The following SHANK1 variants were observed in gnomAD, a reference collection of about 807,000 sequenced individuals.
The protein encoded by SHANK1 is SH3 and multiple ankyrin repeat domains 1.
In SHANK1, 35 loss-of-function variants were observed where a neutral mutation model predicts 165.6. The ratio of observed to expected loss-of-function variants is 0.21; its 90% confidence interval spans 0.16 to 0.28. SHANK1 has a LOEUF of 0.28. Among genes scored for constraint, SHANK1 ranks in the 10% least tolerant of loss-of-function variants. The pLI, the probability that SHANK1 is intolerant of heterozygous loss-of-function variation, is 1.00. For synonymous variants in SHANK1, 1,428 were observed against 1,384.8 expected, an observed-to-expected ratio of 1.03 and a Z score of -0.69; for missense variants, 2,681 against 3,036.4, an observed-to-expected ratio of 0.88 and a Z score of 2.75.
At chr19:50,675,056 G>A (rs567321318) in intron 21 of SHANK1, among the ~76,000 whole-genome samples, 3 of 108,876 alleles carry the variant, frequency 2.8e-5, no homozygotes, top group Admixed American at 2.1e-4. Flanking sequence ...AGCAACACTC[G>A]GTCTCAAAAA....
chr19:50,713,707 A>G lies in SHANK1; in HGVS notation c.792+91T>C. The G allele has an allele frequency of 2.6e-6, 4 of 1,528,184 alleles. No individual in the cohort carries two copies. The South Asian group carries it at 4.7e-5, about 18-fold the overall frequency. The allele number at this position is 1,528,184 out of a possible 1,614,324, so 94.7% of individuals were successfully genotyped here. A position where few individuals can be genotyped will look rare whatever the true frequency, so the allele number is the denominator to read the frequency against. ...TGGGGACATGAGAGGGCCTATTTTT[A>G]ACTGAAACCAAAGAACTGAGGTTTG... On this transcript the variant is annotated intron_variant, in intron 6 of 23. Coordinates refer to ENST00000293441, the MANE Select transcript of SHANK1 (RefSeq NM_016148.5). The surrounding 1 kb of genome is among the most constrained non-coding windows in gnomAD (Gnocchi z 6.2).
In SHANK1 at chr19:50,716,856, C is replaced by A. The variant is rs746931414; in HGVS notation, c.64G>T (p.Gly22Trp). ...GGGGAGCTGTCGGACTCTGAGCCCC[C>A]CTCGGGACACTCGCTGGCACTGTGG... ...ERHSASECPE[G>W]GSESDSSPDG... is the part of the protein sequence containing the mutation. The change falls in exon 2 of 24, where the codon GGG becomes TGG. Residue 22 changes from glycine to tryptophan, a missense_variant. This residue lies in a region of SHANK1 where 118 missense variants were observed against 106.9 expected (regional missense o/e 1.10). Coordinates refer to ENST00000293441, the MANE Select transcript of SHANK1 (RefSeq NM_016148.5). This position sits in a 1 kb window ranked among gnomAD's most constrained non-coding sequence, Gnocchi z 8.4. 4.6e-6 allele frequency: 7 copies of A among 1,528,752 alleles called. No homozygotes were observed. Among genetic ancestry groups the A allele is most frequent in the South Asian group, 2.5e-5 (2 of 79,440 alleles). 94.7% of individuals were successfully genotyped at this position (1,528,752 alleles called of 1,614,324 possible).
At position 50,662,013 on chromosome 19, in the gene SHANK1, G is replaced by A. The variant is rs377409628; in HGVS notation, c.6438C>T (p.Gly2146=). Residue 2146 remains glycine (G), a synonymous_variant, in exon 24 of 24, where the codon GGC becomes GGT. Transcript: ENST00000293441. This position sits in a 1 kb window ranked among gnomAD's most constrained non-coding sequence, Gnocchi z 7.7. The part of the protein sequence containing the change: ...DYVDLGVTRV[G]HRMNIDRALK... ...GAGCCCGGTCGATGTTCATGCGGTG[G>A]CCCACCCTGGTCACACCTAGATCGA... 28 of 1,614,140 alleles carry A rather than the reference G, an allele frequency of 1.7e-5. No homozygotes were observed. Among genetic ancestry groups the A allele is most frequent in the South Asian group, 3.3e-5 (3 of 91,076 alleles).
chr19:50,662,509 C>T lies in SHANK1; in HGVS notation c.5942G>A (p.Arg1981His), dbSNP rs200050673. ...PSASSSSTST[R>H]HLQGVEFEMR... ...CTCGAACTCCACGCCCTGGAGGTGG[C>T]GGGTGGACGTGGAGGAGGAGGAGGC... The change falls in exon 24 of 24, where the codon CGC becomes CAC. Residue 1981 changes from arginine (R) to histidine (H), a missense_variant. By Grantham distance (29) the Arg-to-His change is conservative (BLOSUM62 0). This residue lies in a region of SHANK1 where 1,713 missense variants were observed against 1,630.2 expected (regional missense o/e 1.05). Coordinates refer to ENST00000293441, the MANE Select transcript of SHANK1 (RefSeq NM_016148.5). The surrounding 1 kb of genome is among the most constrained non-coding windows in gnomAD (Gnocchi z 7.7). The T allele has an allele frequency of 4.5e-5, 70 of 1,557,996 alleles. 1 individual carries two copies. Among genetic ancestry groups the T allele is most frequent in the African/African-American group, 3.1e-4 (23 of 73,516 alleles).
chr19:50,662,779 AGGAGAGACATAAGGGTAGGG>A lies in SHANK1; in HGVS notation c.5769-117_5769-98del. ...AGAGGTCAAGATATAGGGAGAGAGG[AGGAGAGACATAAGGGTAGGG>A]GGAGAGACGGAGGAGAGACGGGAAG... On this transcript the variant is annotated intron_variant, in intron 23 of 23. Transcript: ENST00000293441. This position sits in a 1 kb window ranked among gnomAD's most constrained non-coding sequence, Gnocchi z 7.7. 1.5e-6 allele frequency: 2 copies of A among 1,338,132 alleles called. No homozygotes were observed. The highest frequency in any genetic ancestry group is 1.3e-5 in the South Asian group (1 of 76,278). The allele number at this position is 1,338,132 out of a possible 1,614,324, so 82.9% of individuals were successfully genotyped here.
chr19:50,707,888 TTTCTTTTCTTTTCTTTTC>T (rs750120190), intron 8 of SHANK1, among the ~76,000 whole-genome samples: 2,164 of 29,236 alleles, frequency 0.074, 77 homozygotes, highest in Admixed American at 0.1. Flanking sequence ...TTTCTTTTCT[TTTCTTTTCTTTTCTTTTC>T]TTTTCTTTTC....
intron 7 of SHANK1, 134 bp downstream of exon 7, chr19:50,711,813 C>T: frequency 9.4e-7 from 1 of 1,063,398 alleles, no homozygotes; most frequent in Non-Finnish European, 1.4e-6. Context: ...CCACCATTTC[C>T]TCTTTGGGGA....
intron 8 of SHANK1, among the ~76,000 whole-genome samples, chr19:50,710,706 C>T (rs1448448974): frequency 1.3e-5 from 2 of 152,170 alleles, no homozygotes; most frequent in Non-Finnish European, 2.9e-5. Context: ...TGTCAGGACC[C>T]CCAAGGTCCT....
intron 23 of SHANK1, among the ~76,000 whole-genome samples, chr19:50,665,566 CAAAAAAAAAA>C (rs141839934): frequency 1.0e-4 from 5 of 47,630 alleles, no homozygotes; most frequent in African/African-American, 4.2e-4. Flanking sequence ...GACTCTGTCT[CAAAAAAAAAA>C]AAAAAAAAAA....
chr19:50,696,356 G>A lies in SHANK1; in HGVS notation c.1964+740C>T, dbSNP rs1198038070. 2.0e-5 allele frequency among the ~76,000 whole-genome samples: 3 copies of A among 152,054 alleles called. No individual in the cohort carries two copies. The East Asian group carries it at 5.8e-4, about 29-fold the overall frequency. On this transcript the variant is annotated intron_variant, in intron 15 of 23. Coordinates refer to ENST00000293441, the MANE Select transcript of SHANK1 (RefSeq NM_016148.5). ...CAACGGTCAAGCGCCTCAGACACTC[G>A]GGGCGCAGGGTGGCACCCCAGCCCC... is the stretch of plus-strand genomic sequence containing the variant.
At position 50,662,497 on chromosome 19, in the gene SHANK1, C is replaced by G; in HGVS notation, c.5954G>C (p.Gly1985Ala). The change falls in exon 24 of 24, where the codon GGC becomes GCC. Residue 1985 changes from glycine to alanine, a missense_variant. Physicochemically the swap from Gly to Ala is moderately conservative, Grantham distance 60 (BLOSUM62 0). Transcript: ENST00000293441. The surrounding 1 kb of genome is among the most constrained non-coding windows in gnomAD (Gnocchi z 7.7). Reference sequence around the variant, plus strand: ...AGGGGGCCGCATCTCGAACTCCACGCCCTGGAGGTGGCGGGTGGACGTGGA... The same window carrying G: ...AGGGGGCCGCATCTCGAACTCCACGGCCTGGAGGTGGCGGGTGGACGTGGA... ...SSSTSTRHLQ[G>A]VEFEMRPPLL... 1 of 1,559,700 alleles carries G rather than the reference C, an allele frequency of 6.4e-7. No individual in the cohort carries two copies. The highest frequency in any genetic ancestry group is 2.4e-5 in the East Asian group (1 of 41,978).
chr19:50,674,455 C>G (rs996246330), intron 21 of SHANK1, among the ~76,000 whole-genome samples: 1 of 152,188 alleles, frequency 6.6e-6, no homozygotes, highest in African/African-American at 2.4e-5. Context: ...CTGCCTCTTT[C>G]CTCCAGCCAT....
chr19:50,661,897 G>A lies in SHANK1; in HGVS notation c.*68C>T, dbSNP rs1341109190. ...GCCCGGGGAGAGAATGACAGTCAGG[G>A]GTCAGAGGTCAAGAGGCCAGCAGGC... On this transcript the variant is annotated 3_prime_UTR_variant, in exon 24 of 24. Coordinates refer to ENST00000293441, the MANE Select transcript of SHANK1 (RefSeq NM_016148.5). The A allele has an allele frequency of 7.2e-6, 11 of 1,535,382 alleles. No individual in the cohort carries two copies. In the East Asian group the frequency reaches 1.8e-4, roughly 25 times the overall value.
At position 50,690,326 on chromosome 19, in the gene SHANK1, C is replaced by T. The variant is rs1285783734; in HGVS notation, c.1965-1047G>A. 1.3e-5 allele frequency among the ~76,000 whole-genome samples: 2 copies of T among 152,116 alleles called. No individual in the cohort carries two copies. Among genetic ancestry groups the T allele is most frequent in the Non-Finnish European group, 2.9e-5 (2 of 68,014 alleles). On this transcript the variant is annotated intron_variant, in intron 15 of 23. Coordinates refer to ENST00000293441, the MANE Select transcript of SHANK1 (RefSeq NM_016148.5). The surrounding 1 kb of genome is among the most constrained non-coding windows in gnomAD (Gnocchi z 4.9). ...TACAGTTCATGGATCTCAAGGCTCACTCAAACAGCCCCAAACTCCTGACAT... is the reference window on the plus strand; with the variant it reads ...TACAGTTCATGGATCTCAAGGCTCATTCAAACAGCCCCAAACTCCTGACAT...
intron 21 of SHANK1, among the ~76,000 whole-genome samples, chr19:50,673,249 G>A (rs1004012564): frequency 3.3e-5 from 5 of 151,924 alleles, no homozygotes; most frequent in African/African-American, 1.2e-4. Context: ...AGGTTCCCCC[G>A]TAGCAAACCC....
chr19:50,687,101 GC>G (rs1038200968), intron 19 of SHANK1: 23 of 1,258,794 alleles, frequency 1.8e-5, no homozygotes, highest in Admixed American at 3.7e-5. Context: ...AAGGTGAGGG[GC>G]CCCCTGTCTG....
rs897578722 is a variant in SHANK1 at position 50,670,616 on chromosome 19, C to A, written c.2675-1331G>T. On this transcript the variant is annotated intron_variant, in intron 22 of 23. Transcript: ENST00000293441. This position sits in a 1 kb window ranked among gnomAD's most constrained non-coding sequence, Gnocchi z 4.1. ...CCCTGCAGGATCGGGACCCTGTCCC[C>A]CCACTGCCCTCATGTCCAGTGCTCA... Among the ~76,000 whole-genome samples the A allele has an allele frequency of 1.3e-5, 2 of 151,338 alleles. No homozygotes were observed. Among genetic ancestry groups the A allele is most frequent in the Non-Finnish European group, 3.0e-5 (2 of 67,740 alleles).
At position 50,669,289 on chromosome 19, in the gene SHANK1, G is replaced by A. The variant is rs1454314904; in HGVS notation, c.2675-4C>T. ...GGTCTGTCATCTTCTGCCGCACCTGGGGAGATACAGAGGCTCAAGGAGGGG... is the reference window on the plus strand; with the variant it reads ...GGTCTGTCATCTTCTGCCGCACCTGAGGAGATACAGAGGCTCAAGGAGGGG... On this transcript the variant is annotated splice_polypyrimidine_tract_variant and splice_region_variant and intron_variant, in intron 22 of 23. Transcript: ENST00000293441. 1 of 1,605,756 alleles carries A rather than the reference G, an allele frequency of 6.2e-7. No individual in the cohort carries two copies. Among genetic ancestry groups the A allele is most frequent in the Admixed American group, 1.7e-5 (1 of 59,238 alleles).
intron 22 of SHANK1, among the ~76,000 whole-genome samples, chr19:50,671,506 G>A (rs1305074639): frequency 6.7e-6 from 1 of 150,062 alleles, no homozygotes; most frequent in African/African-American, 2.5e-5. Flanking sequence ...GTTTTCCATA[G>A]CACGTACAAC....
Sources: allele counts gnomAD v4.1 joint callset (sites outside exome capture counted in the v4.1 genomes callset), GRCh38; gene constraint gnomAD v4.1.1; regional missense constraint gnomAD v4.1.1; non-coding constraint Gnocchi (gnomAD v3.1); transcripts MANE v1.5; gene names NCBI Gene and HGNC (gene_info 2026-07-23, HGNC 2026-07-21).